The following PPARD variants were observed in gnomAD, a reference collection of about 807,000 sequenced individuals.
The protein encoded by PPARD is peroxisome proliferator activated receptor delta.
A neutral mutation model predicts 39.5 loss-of-function variants in PPARD; 6 were observed. The ratio of observed to expected loss-of-function variants is 0.15; its 90% CI spans 0.08 to 0.30. PPARD has a LOEUF of 0.30. PPARD is among the 10% of genes least tolerant of loss of function. The probability of loss-of-function intolerance (pLI) is 1.00; values close to 1 mark genes in which losing one functional copy is unlikely to be tolerated. For synonymous variants in PPARD, 210 were observed against 231.3 expected (o/e 0.91, Z 0.83); for missense variants, 397 against 596.8 (o/e 0.67, Z 3.49).
chr6:35,377,871 C>CTT (rs540687692), intron 2 of PPARD, among the ~76,000 whole-genome samples: 3 of 120,368 alleles, frequency 2.5e-5, no homozygotes, highest in East Asian at 5.7e-4. Flanking sequence ...GTTTACGTAT[C>CTT]TTTTTTTTTT....
At chr6:35,371,904 C>G (rs1762501192) in intron 2 of PPARD, among the ~76,000 whole-genome samples, 1 of 152,224 alleles carries the variant, frequency 6.6e-6, no homozygotes, top group Non-Finnish European at 1.5e-5. Context: ...TCTGTTTGAG[C>G]TCCCCTAGTC....
At chr6:35,423,846 C>T in intron 5 of PPARD, 100 bp from the exon 6 acceptor site, 2 of 1,175,134 alleles carry the variant, frequency 1.7e-6, no homozygotes, top group Admixed American at 4.6e-5. Flanking sequence ...GGGCCTTAGG[C>T]TCCAAAAGGA....
intron 3 of PPARD, 108 bp from the exon 4 acceptor site, chr6:35,420,019 G>C (rs1390958708): frequency 1.5e-6 from 2 of 1,338,716 alleles, no homozygotes; most frequent in Non-Finnish European, 2.0e-6. Context: ...GACTCCCTGA[G>C]GCCACACAGC....
At chr6:35,413,840 T>C (rs1449411308) in intron 3 of PPARD, among the ~76,000 whole-genome samples, 4 of 152,042 alleles carry the variant, frequency 2.6e-5, no homozygotes, top group African/African-American at 9.7e-5. Flanking sequence ...TGCACCACCG[T>C]GCCTGGCTAA....
At chr6:35,370,252 C>T (rs1450104145) in intron 2 of PPARD, among the ~76,000 whole-genome samples, 3 of 152,078 alleles carry the variant, frequency 2.0e-5, no homozygotes, top group Non-Finnish European at 4.4e-5. Flanking sequence ...TCTAGCTGCC[C>T]GGGTCCTCAT....
At chr6:35,348,966 G>A in intron 2 of PPARD, 1 of 985,228 alleles carries the variant, frequency 1.0e-6, no homozygotes, top group Non-Finnish European at 1.2e-6. Context: ...GGGGTCAGTT[G>A]TCCAGTTCAT....
chr6:35,426,286 T>G lies in PPARD; in HGVS notation c.*207T>G, dbSNP rs1467124394. 1.6e-6 allele frequency: 1 copy of G among 625,572 alleles called. No homozygotes were observed. Among genetic ancestry groups the G allele is most frequent in the Non-Finnish European group, 2.7e-6 (1 of 364,350 alleles). The allele number at this position is 625,572 out of a possible 1,614,324, so 38.8% of individuals were successfully genotyped here. On this transcript the variant is annotated 3_prime_UTR_variant, in exon 8 of 8. Transcript: ENST00000360694. ...CAGCCAGCTCTCTTCCTGTCTTTGTTGTCTCCCTCTTTCTCAGTTCCTCTT... is the reference window on the plus strand; with the variant it reads ...CAGCCAGCTCTCTTCCTGTCTTTGTGGTCTCCCTCTTTCTCAGTTCCTCTT...
chr6:35,354,917 T>G (rs1396841445), intron 2 of PPARD, among the ~76,000 whole-genome samples: 1 of 152,196 alleles, frequency 6.6e-6, no homozygotes, highest in Non-Finnish European at 1.5e-5. Context: ...TCAGCTCCAG[T>G]GTTGACTGAC....
chr6:35,377,676 G>T (rs902205827), intron 2 of PPARD, among the ~76,000 whole-genome samples: 29 of 152,110 alleles, frequency 1.9e-4, no homozygotes, highest in African/African-American at 6.8e-4. Context: ...CCTGTTGGCT[G>T]CCTCTGTGGT....
intron 2 of PPARD, among the ~76,000 whole-genome samples, chr6:35,350,902 C>T (rs1396170160): frequency 1.7e-4 from 26 of 152,178 alleles, no homozygotes; most frequent in Admixed American, 1.7e-3. Context: ...GCTGGGATTA[C>T]AGGCATGAGC....
intron 2 of PPARD, among the ~76,000 whole-genome samples, chr6:35,377,717 C>T (rs1283323110): frequency 6.6e-6 from 1 of 152,102 alleles, no homozygotes; most frequent in African/African-American, 2.4e-5. Flanking sequence ...GCTGCCAGGC[C>T]TCTGCGCAAT....
rs199866665 is a variant in PPARD, at chr6:35,425,870, A to G, written c.1117A>G (p.Ile373Val). 5.0e-6 allele frequency: 8 copies of G among 1,613,976 alleles called. No homozygotes were observed. The highest frequency in any genetic ancestry group is 1.6e-4 in the Middle Eastern group (1 of 6,084). Reference protein sequence around the residue: ...GLMNVPRVEAIQDTILRALEF... With the variant: ...GLMNVPRVEAVQDTILRALEF... ...CATGAACGTTCCACGGGTGGAGGCT[A>G]TCCAGGACACCATCCTGCGTGCCCT... Residue 373 changes from isoleucine to valine, a missense_variant, in exon 8 of 8, where the codon ATC (isoleucine) becomes GTC (valine). Transcript: ENST00000360694. This position sits in a 1 kb window ranked among gnomAD's most constrained non-coding sequence, Gnocchi z 4.5.
chr6:35,420,212 G>A lies in PPARD; in HGVS notation c.216G>A (p.Met72Ile). The change falls in exon 4 of 8, where the codon ATG becomes ATA. Residue 72 changes from methionine (M) to isoleucine (I), a missense_variant. Transcript: ENST00000360694. ...CDGASCGSLN[M>I]ECRVCGDKAS... Reference sequence around the variant, plus strand: ...GGGCCTCATGCGGCAGCCTCAACATGGAGTGCCGGGTGTGCGGGGACAAGG... The same window carrying A: ...GGGCCTCATGCGGCAGCCTCAACATAGAGTGCCGGGTGTGCGGGGACAAGG... The A allele has an allele frequency of 1.2e-6, 2 of 1,611,692 alleles. No individual in the cohort carries two copies. The highest frequency in any genetic ancestry group is 2.2e-5 in the South Asian group (2 of 90,792).
intron 2 of PPARD, among the ~76,000 whole-genome samples, chr6:35,410,325 TCTC>T (rs1765345631): frequency 6.6e-6 from 1 of 152,306 alleles, no homozygotes; most frequent in African/African-American, 2.4e-5. Context: ...GTTGGAACTG[TCTC>T]CTCCTGGGTG....
rs9658096 is a variant in PPARD, at chr6:35,388,374, G to C, written c.-101-22613G>C. On this transcript the variant is annotated intron_variant, in intron 2 of 7. Coordinates refer to ENST00000360694, the MANE Select transcript of PPARD (RefSeq NM_006238.5). ...GCACGTGCCGCGGGGGCAGGAAGGG[G>C]AGAGCTTCCGGGAAGGGGATGGAAC... 3.8e-3 allele frequency among the ~76,000 whole-genome samples: 581 copies of C among 152,244 alleles called. 3 individuals are homozygous for C. The highest frequency in any genetic ancestry group is 0.013 in the African/African-American group (520 of 41,542).
Position 35,424,963 on chromosome 6 carries a change from G to A in PPARD, c.1078+184G>A. 7.0e-7 allele frequency: 1 copy of A among 1,429,816 alleles called. No individual in the cohort carries two copies. The highest frequency in any genetic ancestry group is 9.1e-7 in the Non-Finnish European group (1 of 1,096,238). 88.6% of individuals were successfully genotyped at this position (1,429,816 alleles called of 1,614,324 possible). On this transcript the variant is annotated intron_variant, in intron 7 of 7. Transcript: ENST00000360694. The surrounding 1 kb of genome is among the most constrained non-coding windows in gnomAD (Gnocchi z 7.1). ...TCAGCTCCATCTCATTATGTACGTA[G>A]ATAGAGGTGGAGACAGGAAAAAGAC...
At position 35,402,599 on chromosome 6, in the gene PPARD, T is replaced by C. The variant is rs1164359619; in HGVS notation, c.-101-8388T>C. ...AGAATTGTGGAATGCGTGGGTGGCCTCCTGGCTGTCTTTTCTCTGGTTCCA... is the reference window on the plus strand; with the variant it reads ...AGAATTGTGGAATGCGTGGGTGGCCCCCTGGCTGTCTTTTCTCTGGTTCCA... On this transcript the variant is annotated intron_variant, in intron 2 of 7. Coordinates refer to ENST00000360694, the MANE Select transcript of PPARD (RefSeq NM_006238.5). 2.0e-5 allele frequency among the ~76,000 whole-genome samples: 3 copies of C among 152,262 alleles called. No homozygotes were observed. The East Asian group carries it at 5.8e-4, about 29-fold the overall frequency.
intron 2 of PPARD, among the ~76,000 whole-genome samples, chr6:35,365,945 G>C (rs1202965697): frequency 6.6e-6 from 1 of 151,686 alleles, no homozygotes; most frequent in East Asian, 1.9e-4. Context: ...GGGGAACTAG[G>C]GAAGGCTTCC....
intron 2 of PPARD, among the ~76,000 whole-genome samples, chr6:35,395,575 T>TGA (rs1764264572): frequency 6.6e-6 from 1 of 152,120 alleles, no homozygotes; most frequent in African/African-American, 2.4e-5. Context: ...AATGCTGCAG[T>TGA]GACAGAGGTT....
Sources: allele counts gnomAD v4.1 joint callset (sites outside exome capture counted in the v4.1 genomes callset), GRCh38; gene constraint gnomAD v4.1.1; non-coding constraint Gnocchi (gnomAD v3.1); transcripts MANE v1.5; gene names NCBI Gene and HGNC (gene_info 2026-07-23, HGNC 2026-07-21).